RUSF1: variants seen among roughly 807,000 people sequenced by gnomAD.
RUSF1 encodes RUS1 family protein C16orf58.
In RUSF1, 58 loss-of-function variants were observed where a neutral mutation model predicts 63.0. That is an observed-to-expected ratio of 0.92 (90% CI 0.75 to 1.15). The LOEUF (loss-of-function observed/expected upper bound fraction) is 1.15. Ranked by LOEUF, RUSF1 falls within the 50% of genes most tolerant of loss-of-function variation. The pLI, the probability that RUSF1 is intolerant of heterozygous loss-of-function variation, is 0.00. For missense variants in RUSF1, 652 were observed against 611.0 expected, an observed-to-expected ratio of 1.07 and a Z score of -0.71; for synonymous variants, 274 against 255.8, an observed-to-expected ratio of 1.07 and a Z score of -0.68.
chr16:31,493,832 T>A, intron 7 of RUSF1, 34 bp downstream of exon 7: 1 of 1,614,168 alleles, frequency 6.2e-7, no homozygotes, highest in East Asian at 2.2e-5. Context: ...GAGGCCCAGC[T>A]GGGGTTCTCC....
chr16:31,508,340 A>C lies in RUSF1; in HGVS notation c.34T>G (p.Cys12Gly). Residue 12 changes from cysteine (C) to glycine (G), a missense_variant, in exon 1 of 13, where the codon TGT becomes GGT. Physicochemically the swap from Cys to Gly is radical, Grantham distance 159. Coordinates refer to ENST00000327237, the MANE Select transcript of RUSF1 (RefSeq NM_022744.4). ...ADDAGLETPL[C>G]SEQFGSGEAR... ...TCCCCGGAGCCGAACTGCTCGGAAC[A>C]CAGCGGGGTCTCCAAACCCGCGTCG... The C allele has an allele frequency of 1.3e-6, 2 of 1,559,056 alleles. No homozygotes were observed. Among genetic ancestry groups the C allele is most frequent in the Non-Finnish European group, 1.7e-6 (2 of 1,162,192 alleles).
At chr16:31,492,941 G>A (rs1326353972) in intron 10 of RUSF1, 37 bp downstream of exon 10, 1 of 1,574,312 alleles carries the variant, frequency 6.4e-7, no homozygotes, top group Non-Finnish European at 8.7e-7. Flanking sequence ...TGACCTGGGA[G>A]GGTGCGTCTT....
At chr16:31,491,930 A>C (rs2082571402) in intron 12 of RUSF1, 79 bp downstream of exon 12, 3 of 1,445,826 alleles carry the variant, frequency 2.1e-6, no homozygotes, top group East Asian at 2.3e-5. Context: ...TTTCAGGTGA[A>C]AGGGTGGGAG....
rs2082554779 is a variant in RUSF1, at chr16:31,490,432, G to A, written c.*403C>T. Reference sequence around the variant, plus strand: ...GAGGAGGCAGCGGCAGCAGCCAGGCGGCTGGAGGACATCAGCGAGGACCCG... The same window carrying A: ...GAGGAGGCAGCGGCAGCAGCCAGGCAGCTGGAGGACATCAGCGAGGACCCG... On this transcript the variant is annotated 3_prime_UTR_variant, in exon 13 of 13. Transcript: ENST00000327237. 4 of 1,613,832 alleles carry A rather than the reference G, an allele frequency of 2.5e-6. No homozygotes were observed. Among genetic ancestry groups the A allele is most frequent in the Non-Finnish European group, 3.4e-6 (4 of 1,179,968 alleles).
chr16:31,496,012 G>A (rs2082600169), intron 6 of RUSF1, among the ~76,000 whole-genome samples: 1 of 152,186 alleles, frequency 6.6e-6, no homozygotes. Flanking sequence ...ACACTTCTGG[G>A]ACTTCCCTGG....
chr16:31,489,505 T>C lies in RUSF1; in HGVS notation c.*1330A>G. 1 of 680,936 alleles carries C rather than the reference T, an allele frequency of 1.5e-6. No individual in the cohort carries two copies. Among genetic ancestry groups the C allele is most frequent in the Non-Finnish European group, 2.6e-6 (1 of 389,058 alleles). 42.2% of individuals were successfully genotyped at this position (680,936 alleles called of 1,614,324 possible). ...GAGCAAGAATTTTTATTTAAATACATTTATTTGAACCGGCCTGGGGGAGGC... is the reference window on the plus strand; with the variant it reads ...GAGCAAGAATTTTTATTTAAATACACTTATTTGAACCGGCCTGGGGGAGGC... On this transcript the variant is annotated 3_prime_UTR_variant, in exon 13 of 13. Transcript: ENST00000327237.
Position 31,492,359 on chromosome 16 carries a change from A to C in RUSF1, c.1088-19T>G. 1 of 1,525,172 alleles carries C rather than the reference A, an allele frequency of 6.6e-7. No homozygotes were observed. Among genetic ancestry groups the C allele is most frequent in the Non-Finnish European group, 8.8e-7 (1 of 1,137,386 alleles). 94.5% of individuals were successfully genotyped at this position (1,525,172 alleles called of 1,614,324 possible). A position where few individuals can be genotyped will look rare whatever the true frequency, so the allele number is the denominator to read the frequency against. On this transcript the variant is annotated intron_variant, in intron 10 of 12. Transcript: ENST00000327237. ...ACCTGGTCTGGAGGGACCCAGAGACAGACTGGTATCAGGGAAGGGCCACCT... is the reference window on the plus strand; with the variant it reads ...ACCTGGTCTGGAGGGACCCAGAGACCGACTGGTATCAGGGAAGGGCCACCT...
intron 9 of RUSF1, 145 bp downstream of exon 9, chr16:31,493,322 C>T: frequency 8.8e-7 from 1 of 1,140,560 alleles, no homozygotes; most frequent in Non-Finnish European, 1.3e-6. Context: ...CTTCCTCACA[C>T]ACCCACACCA....
chr16:31,500,970 A>G (rs984984867), intron 2 of RUSF1, among the ~76,000 whole-genome samples: 1 of 152,234 alleles, frequency 6.6e-6, no homozygotes, highest in Non-Finnish European at 1.5e-5. Flanking sequence ...AGAATTGTTC[A>G]TAACAGCAAA....
In RUSF1 at chr16:31,492,487, C is replaced by T. The variant is rs1422252509; in HGVS notation, c.1088-147G>A. 5 of 933,074 alleles carry T rather than the reference C, an allele frequency of 5.4e-6. No individual in the cohort carries two copies. In the South Asian group the frequency reaches 7.7e-5, roughly 14 times the overall value. The allele number at this position is 933,074 out of a possible 1,614,324, so 57.8% of individuals were successfully genotyped here. ...TCACCCTTTCCTTTCCAATTCATCT[C>T]CTGTTGCTCCCCAATGTTCGGGCCA... On this transcript the variant is annotated intron_variant, in intron 10 of 12. Coordinates refer to ENST00000327237, the MANE Select transcript of RUSF1 (RefSeq NM_022744.4).
chr16:31,506,808 A>C (rs2082661550), intron 2 of RUSF1, among the ~76,000 whole-genome samples: 1 of 151,638 alleles, frequency 6.6e-6, no homozygotes, highest in African/African-American at 2.4e-5. Context: ...AAAAATAGAG[A>C]TGGGGGTCTC....
chr16:31,490,577 A>T lies in RUSF1; in HGVS notation c.*258T>A. On this transcript the variant is annotated 3_prime_UTR_variant, in exon 13 of 13. Transcript: ENST00000327237. ...CACCATAAGCCACAGCCTCACAGGA[A>T]GTGGGGGTGAGGAGCCTGCGGTGCT... 6.7e-7 allele frequency: 1 copy of T among 1,498,248 alleles called. No individual in the cohort carries two copies. The highest frequency in any genetic ancestry group is 9.2e-7 in the Non-Finnish European group (1 of 1,086,902). 92.8% of individuals were successfully genotyped at this position (1,498,248 alleles called of 1,614,324 possible).
At chr16:31,501,373 C>G (rs1023859415) in intron 2 of RUSF1, among the ~76,000 whole-genome samples, 1 of 152,026 alleles carries the variant, frequency 6.6e-6, no homozygotes, top group African/African-American at 2.4e-5. Flanking sequence ...GGCCCAGGGA[C>G]TGCTTGAGGC....
intron 6 of RUSF1, among the ~76,000 whole-genome samples, chr16:31,494,894 T>G (rs2142648298): frequency 6.6e-6 from 1 of 152,274 alleles, no homozygotes; most frequent in Admixed American, 6.5e-5. Flanking sequence ...CAGGCTGATC[T>G]TGAACTCCTG....
rs183865443 is a variant in RUSF1, at chr16:31,498,856, T to G, written c.600+446A>C. ...CCAGGCTGGAATCCCCGCCTCAGCC[T>G]CTTGCAGGCCCCAACATTTCTCATT... On this transcript the variant is annotated intron_variant, in intron 5 of 12. Transcript: ENST00000327237. Among the ~76,000 whole-genome samples, 439 of 152,348 alleles carry G rather than the reference T, an allele frequency of 2.9e-3. 4 individuals carry two copies. The highest frequency in any genetic ancestry group is 9.7e-3 in the African/African-American group (402 of 41,584).
At chr16:31,499,639 C>G in intron 3 of RUSF1, 114 bp from the exon 4 acceptor site, 1 of 977,802 alleles carries the variant, frequency 1.0e-6, no homozygotes, top group South Asian at 1.8e-5. Flanking sequence ...AAACCCACAC[C>G]CCCAGACAGA....
At chr16:31,504,951 C>T (rs1398150615) in intron 2 of RUSF1, among the ~76,000 whole-genome samples, 2 of 152,158 alleles carry the variant, frequency 1.3e-5, no homozygotes, top group Non-Finnish European at 2.9e-5. Context: ...CATTGCCATT[C>T]TCCATTCTCG....
chr16:31,508,271 C>G lies in RUSF1; in HGVS notation c.103G>C (p.Glu35Gln), dbSNP rs956023286. The G allele has an allele frequency of 1.3e-6, 2 of 1,570,388 alleles. No individual in the cohort carries two copies. Among genetic ancestry groups the G allele is most frequent in the African/African-American group, 1.4e-5 (1 of 73,906 alleles). Reference sequence around the variant, plus strand: ...CCCCACCAGCGCCAGCCCCCGACCTCCCACTGCAGGCTCCCGTCCGCGGCG... The same window carrying G: ...CCCCACCAGCGCCAGCCCCCGACCTGCCACTGCAGGCTCCCGTCCGCGGCG... Reference protein sequence around the residue: ...RAAADGSLQWEVGGWRWWGLS... With the variant: ...RAAADGSLQWQVGGWRWWGLS... Residue 35 changes from glutamate to glutamine, a missense_variant, in exon 1 of 13, where the codon GAG becomes CAG. By Grantham distance (29) the Glu-to-Gln change is conservative. Coordinates refer to ENST00000327237, the MANE Select transcript of RUSF1 (RefSeq NM_022744.4).
At chr16:31,501,641 G>A (rs2082633626) in intron 2 of RUSF1, among the ~76,000 whole-genome samples, 1 of 151,980 alleles carries the variant, frequency 6.6e-6, no homozygotes, top group Non-Finnish European at 1.5e-5. Context: ...GGGTTGCACG[G>A]CAGAGGGACA....
Sources: gnomAD v4.1 joint callset for allele counts (sites outside exome capture counted in the v4.1 genomes callset) on GRCh38, gnomAD v4.1.1 for gene constraint, MANE v1.5 for transcripts, NCBI Gene and HGNC (gene_info 2026-07-23, HGNC 2026-07-21) for gene names.